SASH1: variants seen among roughly 807,000 people sequenced by gnomAD.
SASH1 encodes the protein SAM and SH3 domain-containing protein 1.
Under a neutral mutation model 125.2 loss-of-function variants are expected in SASH1, and 44 were observed. That is an observed-to-expected ratio of 0.35 (90% CI 0.28 to 0.45). The LOEUF (loss-of-function observed/expected upper bound fraction) is 0.45, where lower values mean the gene tolerates loss of function less well. Ranked by LOEUF, SASH1 falls within the 20% of genes least tolerant of loss-of-function variation. The probability of loss-of-function intolerance (pLI) is 1.00; values close to 1 mark genes in which losing one functional copy is unlikely to be tolerated. For missense variants in SASH1, 1,426 were observed against 1,614.5 expected, an observed-to-expected ratio of 0.88 and a Z score of 2.00; for synonymous variants, 639 against 649.1, an observed-to-expected ratio of 0.98 and a Z score of 0.24.
At chr6:148,277,536 A>G (rs1345357690) in intron 1 of SASH1, among the ~76,000 whole-genome samples, 1 of 152,234 alleles carries the variant, frequency 6.6e-6, no homozygotes, top group Non-Finnish European at 1.5e-5. Context: ...CGTCAGAAGG[A>G]CATTATCCTT....
intron 1 of SASH1, among the ~76,000 whole-genome samples, chr6:148,296,137 T>TTGC (rs1353995662): frequency 6.6e-6 from 1 of 151,998 alleles, no homozygotes; most frequent in Non-Finnish European, 1.5e-5. Context: ...TTTGTTGTTG[T>TTGC]TGTTTTGAGA....
At chr6:148,528,511 C>T (rs985205743) in intron 12 of SASH1, among the ~76,000 whole-genome samples, 4 of 152,222 alleles carry the variant, frequency 2.6e-5, no homozygotes, top group Admixed American at 1.3e-4. Flanking sequence ...AATGACCGAA[C>T]GTCACCAGCC....
intron 1 of SASH1, among the ~76,000 whole-genome samples, chr6:148,343,531 A>G (rs1484459768): frequency 6.6e-6 from 1 of 152,204 alleles, no homozygotes; most frequent in Non-Finnish European, 1.5e-5. Flanking sequence ...CAAAAAGTAG[A>G]TGTAAATAAA....
At chr6:148,318,000 T>C (rs545140445) in intron 1 of SASH1, among the ~76,000 whole-genome samples, 1 of 152,026 alleles carries the variant, frequency 6.6e-6, no homozygotes, top group African/African-American at 2.4e-5. Flanking sequence ...CTAGCAAGTA[T>C]TTACATAAAG....
chr6:148,236,404 G>A, the SASH1 span, among the ~76,000 whole-genome samples: 1 of 152,166 alleles, frequency 6.6e-6, no homozygotes, highest in South Asian at 2.1e-4. Context: ...TAGAGACAGG[G>A]TTTCACCATG....
At chr6:148,342,003 A>G (rs1178262887), upstream of SASH1, among the ~76,000 whole-genome samples, 1 of 152,198 alleles carries the variant, frequency 6.6e-6, no homozygotes, top group African/African-American at 2.4e-5. Flanking sequence ...GGAAAAACAC[A>G]CACAGGGCCC....
chr6:148,204,420 A>G, the SASH1 span, among the ~76,000 whole-genome samples: 1 of 152,168 alleles, frequency 6.6e-6, no homozygotes, highest in South Asian at 2.1e-4. Context: ...GGCTGGGTGC[A>G]GTGGCTCACA....
At chr6:148,488,586 C>T (rs911421360) in intron 8 of SASH1, among the ~76,000 whole-genome samples, 5 of 152,222 alleles carry the variant, frequency 3.3e-5, no homozygotes, top group African/African-American at 1.2e-4. Flanking sequence ...TGTTTTCTCA[C>T]AGTAGCTGTA....
At chr6:148,351,203 T>G (rs1342318826) in intron 1 of SASH1, among the ~76,000 whole-genome samples, 2 of 151,342 alleles carry the variant, frequency 1.3e-5, no homozygotes, top group African/African-American at 2.4e-5. Flanking sequence ...TTTTTTTTTT[T>G]TTTTTTTTTT....
intron 7 of SASH1, among the ~76,000 whole-genome samples, chr6:148,483,364 C>T (rs1012304547): frequency 6.6e-6 from 1 of 152,174 alleles, no homozygotes; most frequent in Non-Finnish European, 1.5e-5. Flanking sequence ...GGGATCCTCC[C>T]TCATGGCCCC....
the SASH1 span, among the ~76,000 whole-genome samples, chr6:148,194,172 C>T: frequency 3.9e-5 from 6 of 152,266 alleles, no homozygotes; most frequent in East Asian, 1.2e-3. Context: ...CTTTAGATGA[C>T]TTGGTACAGT....
intron 1 of SASH1, among the ~76,000 whole-genome samples, chr6:148,289,367 T>C (rs2493924): frequency 0.75 from 114,729 of 152,128 alleles, 43,706 homozygotes; most frequent in African/African-American, 0.86. Context: ...TGGAAAGGCG[T>C]GAGCCTATCT....
rs1405551653 is a variant in SASH1 at position 148,519,090 on chromosome 6, A to ACAAT, written c.863-454_863-451dup. 1.3e-5 allele frequency among the ~76,000 whole-genome samples: 2 copies of ACAAT among 152,216 alleles called. No individual in the cohort carries two copies. Among genetic ancestry groups the ACAAT allele is most frequent in the African/African-American group, 4.8e-5 (2 of 41,450 alleles). On this transcript the variant is annotated intron_variant, in intron 9 of 19. Coordinates refer to ENST00000367467, the MANE Select transcript of SASH1 (RefSeq NM_015278.5). The surrounding 1 kb of genome is among the most constrained non-coding windows in gnomAD (Gnocchi z 4.8). ...CTCAAATGGCATATGTACCAATAAA[A>ACAAT]CAATCACTGTCAGCCACATGACATT... is the stretch of plus-strand genomic sequence containing the variant.
intron 8 of SASH1, among the ~76,000 whole-genome samples, chr6:148,490,656 G>A (rs753091225): frequency 6.6e-6 from 1 of 152,192 alleles, no homozygotes; most frequent in Admixed American, 6.5e-5. Flanking sequence ...CCTGTCTTCA[G>A]TCTCTTGTCT....
At chr6:148,250,209 C>G in the SASH1 span, among the ~76,000 whole-genome samples, 1 of 152,148 alleles carries the variant, frequency 6.6e-6, no homozygotes. Context: ...TCAGAATCAT[C>G]TCAAGAAACC....
chr6:148,444,408 T>C (rs1437945921), intron 4 of SASH1, among the ~76,000 whole-genome samples: 2 of 152,162 alleles, frequency 1.3e-5, no homozygotes, highest in African/African-American at 4.8e-5. Context: ...CATCTCAGCA[T>C]CTATTGTGGA....
upstream of SASH1, among the ~76,000 whole-genome samples, chr6:148,267,365 T>TTGTGTG (rs200228547): frequency 0.087 from 11,321 of 130,012 alleles, 597 homozygotes; most frequent in Middle Eastern, 0.11. Context: ...CAGTACTACT[T>TTGTGTG]TGTGTGTGTG....
chr6:148,284,413 T>TG (rs1478267425), intron 1 of SASH1, among the ~76,000 whole-genome samples: 2 of 152,166 alleles, frequency 1.3e-5, no homozygotes, highest in Admixed American at 1.3e-4. Context: ...CACTCCAGCC[T>TG]GGGTGACAGA....
chr6:148,286,693 T>C (rs574074344), intron 1 of SASH1, among the ~76,000 whole-genome samples: 1 of 152,240 alleles, frequency 6.6e-6, no homozygotes, highest in East Asian at 1.9e-4. Flanking sequence ...ACACCAGTCA[T>C]ACGGATTAGA....
Sources: gnomAD v4.1 joint callset for allele counts (sites outside exome capture counted in the v4.1 genomes callset) on GRCh38, gnomAD v4.1.1 for gene constraint, Gnocchi (gnomAD v3.1) non-coding constraint, MANE v1.5 for transcripts, NCBI Gene and HGNC (gene_info 2026-07-23, HGNC 2026-07-21) for gene names.